HCN1: variants seen among roughly 807,000 people sequenced by gnomAD.
HCN1 encodes potassium/sodium hyperpolarization-activated cyclic nucleotide-gated channel 1.
A neutral mutation model predicts 78.9 loss-of-function variants in HCN1; 13 were observed. That is an observed-to-expected ratio of 0.16 (90% CI 0.11 to 0.26). The LOEUF is 0.26. HCN1 is among the 10% of genes least tolerant of loss of function. The pLI is 1.00. For synonymous variants in HCN1, 552 were observed against 455.5 expected (o/e 1.21, Z -2.70); for missense variants, 810 against 1,154.3 (o/e 0.70, Z 4.32).
intron 5 of HCN1, among the ~76,000 whole-genome samples, chr5:45,315,132 C>A (rs1471092291): frequency 6.6e-6 from 1 of 152,206 alleles, no homozygotes; most frequent in Non-Finnish European, 1.5e-5. Flanking sequence ...CACCACATCA[C>A]ACTTATTCCA....
At chr5:45,677,372 T>C (rs1208922344) in intron 1 of HCN1, among the ~76,000 whole-genome samples, 1 of 151,748 alleles carries the variant, frequency 6.6e-6, no homozygotes, top group Non-Finnish European at 1.5e-5. Flanking sequence ...TGTAGAGCCT[T>C]GTCTAAAGGT....
intron 5 of HCN1, among the ~76,000 whole-genome samples, chr5:45,347,080 C>G (rs1746736192): frequency 6.6e-6 from 1 of 152,174 alleles, no homozygotes; most frequent in Non-Finnish European, 1.5e-5. Context: ...GGTCCCTGAC[C>G]CCTGATCCCC....
chr5:45,497,673 CTT>C (rs1742074978), intron 2 of HCN1, among the ~76,000 whole-genome samples: 1 of 152,138 alleles, frequency 6.6e-6, no homozygotes, highest in African/African-American at 2.4e-5. Context: ...CAGTCTGTGT[CTT>C]TTAATTGGAG....
chr5:45,488,121 A>G (rs1292483621), intron 2 of HCN1, among the ~76,000 whole-genome samples: 1 of 151,980 alleles, frequency 6.6e-6, no homozygotes, highest in Non-Finnish European at 1.5e-5. Flanking sequence ...TTACATTCTC[A>G]TTGAGGTCTT....
At chr5:45,485,286 A>G (rs76049424) in intron 2 of HCN1, among the ~76,000 whole-genome samples, 1,828 of 152,300 alleles carry the variant, frequency 0.012, 10 homozygotes, top group Non-Finnish European at 0.018. Context: ...AGTTCTTCCT[A>G]CTAAGGCATA....
At chr5:45,500,135 G>A (rs905492384) in intron 2 of HCN1, among the ~76,000 whole-genome samples, 2 of 152,178 alleles carry the variant, frequency 1.3e-5, no homozygotes, top group East Asian at 3.9e-4. Flanking sequence ...CAATATAGAT[G>A]CCATGACTGG....
At chr5:45,302,250 G>C (rs891406568) in intron 6 of HCN1, among the ~76,000 whole-genome samples, 6 of 150,104 alleles carry the variant, frequency 4.0e-5, no homozygotes, top group South Asian at 2.1e-4. Context: ...ATGGTGGTGA[G>C]GGAGTTCTCA....
At chr5:45,580,281 G>A (rs958355639) in intron 2 of HCN1, among the ~76,000 whole-genome samples, 2 of 152,070 alleles carry the variant, frequency 1.3e-5, no homozygotes, top group African/African-American at 4.8e-5. Flanking sequence ...TGTGAACAAG[G>A]AAGGCAGAAG....
intron 2 of HCN1, among the ~76,000 whole-genome samples, chr5:45,589,870 C>T (rs944207719): frequency 9.9e-5 from 15 of 152,064 alleles, no homozygotes; most frequent in African/African-American, 3.4e-4. Flanking sequence ...GTGACATCTC[C>T]CTGATCTATA....
At chr5:45,376,172 T>G (rs1440965636) in intron 4 of HCN1, among the ~76,000 whole-genome samples, 1 of 13,572 alleles carries the variant, frequency 7.4e-5, no homozygotes, top group African/African-American at 2.8e-4. Flanking sequence ...TTATAATATA[T>G]AATATATTAC....
At chr5:45,634,065 C>G (rs956353918) in intron 2 of HCN1, among the ~76,000 whole-genome samples, 2 of 151,866 alleles carry the variant, frequency 1.3e-5, no homozygotes, top group Non-Finnish European at 2.9e-5. Flanking sequence ...GGTAATAGGG[C>G]GGCAGGAAGA....
chr5:45,262,174 G>A lies in HCN1; in HGVS notation c.2420C>T (p.Thr807Ile). ...VSTLISRPHP[T>I]VGESLASIPQ... ...GATGGAGGCCAGGGACTCGCCCACA[G>A]TGGGATGAGGTCTGGAAATCAGAGT... Residue 807 changes from threonine (T) to isoleucine (I), a missense_variant, in exon 8 of 8, where the codon ACT becomes ATT. Coordinates refer to ENST00000303230, the MANE Select transcript of HCN1 (RefSeq NM_021072.4). 1 of 1,614,042 alleles carries A rather than the reference G, an allele frequency of 6.2e-7. No homozygotes were observed. Among genetic ancestry groups the A allele is most frequent in the Non-Finnish European group, 8.5e-7 (1 of 1,180,028 alleles).
intron 2 of HCN1, among the ~76,000 whole-genome samples, chr5:45,484,266 C>G (rs922482338): frequency 3.7e-4 from 57 of 152,018 alleles, no homozygotes; most frequent in African/African-American, 1.4e-3. Context: ...CCTGCTTCTA[C>G]TAAAAAAAAT....
intron 2 of HCN1, among the ~76,000 whole-genome samples, chr5:45,634,979 T>C (rs1745332718): frequency 6.6e-6 from 1 of 152,102 alleles, no homozygotes; most frequent in East Asian, 1.9e-4. Context: ...CAAGCATTAC[T>C]GCTAGGTACT....
chr5:45,276,417 T>A (rs1324565214), intron 6 of HCN1, among the ~76,000 whole-genome samples: 1 of 152,156 alleles, frequency 6.6e-6, no homozygotes, highest in East Asian at 1.9e-4. Context: ...GATGAAAGAA[T>A]CTGCAATTCT....
chr5:45,507,607 A>C (rs1160958533), intron 2 of HCN1, among the ~76,000 whole-genome samples: 3 of 152,202 alleles, frequency 2.0e-5, no homozygotes, highest in Non-Finnish European at 4.4e-5. Context: ...ACAGTATATA[A>C]ATGAGAAACA....
intron 5 of HCN1, among the ~76,000 whole-genome samples, chr5:45,322,526 T>C (rs1746145248): frequency 6.6e-6 from 1 of 151,880 alleles, no homozygotes; most frequent in Non-Finnish European, 1.5e-5. Flanking sequence ...TATTTGCATA[T>C]CCCAAATGAG....
intron 1 of HCN1, among the ~76,000 whole-genome samples, chr5:45,678,852 C>G (rs1739648546): frequency 6.6e-6 from 1 of 151,868 alleles, no homozygotes; most frequent in Admixed American, 6.6e-5. Context: ...AAATATTTAA[C>G]ATTTTGCAAA....
At chr5:45,541,079 T>C (rs4866975) in intron 2 of HCN1, among the ~76,000 whole-genome samples, 10,153 of 152,142 alleles carry the variant, frequency 0.067, 417 homozygotes, top group East Asian at 0.15. Context: ...AAAAAAAATA[T>C]TAATCTAAGA....
Sources: gnomAD v4.1 joint callset for allele counts (sites outside exome capture counted in the v4.1 genomes callset) on GRCh38, gnomAD v4.1.1 for gene constraint, MANE v1.5 for transcripts, NCBI Gene and HGNC (gene_info 2026-07-23, HGNC 2026-07-21) for gene names.